CYP19A1: variants seen among roughly 807,000 people sequenced by gnomAD.
The protein encoded by CYP19A1 is cytochrome P450 family 19 subfamily A member 1, also known as aromatase.
In CYP19A1, 32 loss-of-function variants were observed where a neutral mutation model predicts 44.4. The observed-to-expected ratio is 0.72, with a 90% CI of 0.54 to 0.97. The LOEUF (loss-of-function observed/expected upper bound fraction) is 0.97, where lower values mean the gene tolerates loss of function less well. Among genes scored for constraint, CYP19A1 ranks in the 50% least tolerant of loss-of-function variants. The pLI is 0.00. For synonymous variants in CYP19A1, 212 were observed against 215.6 expected, an observed-to-expected ratio of 0.98 and a Z score of 0.14; for missense variants, 598 against 637.8, an observed-to-expected ratio of 0.94 and a Z score of 0.67.
chr15:51,271,461 A>G (rs896210628), intron 1 of CYP19A1, among the ~76,000 whole-genome samples: 1 of 152,148 alleles, frequency 6.6e-6, no homozygotes, highest in Non-Finnish European at 1.5e-5. Context: ...CTGAGACCCA[A>G]CGTGTCTTGA....
chr15:51,321,455 C>T (rs1004983), intron 1 of CYP19A1, among the ~76,000 whole-genome samples: 8 of 151,938 alleles, frequency 5.3e-5, no homozygotes, highest in East Asian at 1.9e-4. Context: ...CCCCATCTTT[C>T]GATTCGAAAT....
chr15:51,304,457 T>C (rs2036174230), intron 1 of CYP19A1, among the ~76,000 whole-genome samples: 1 of 152,212 alleles, frequency 6.6e-6, no homozygotes, highest in African/African-American at 2.4e-5. Context: ...CAGCAATGCT[T>C]TCCAGAGATA....
At chr15:51,249,548 G>A (rs1283003166) in intron 1 of CYP19A1, among the ~76,000 whole-genome samples, 1 of 152,124 alleles carries the variant, frequency 6.6e-6, no homozygotes, top group Non-Finnish European at 1.5e-5. Context: ...ACATTTATTA[G>A]GAAGCTTGTC....
intron 1 of CYP19A1, among the ~76,000 whole-genome samples, chr15:51,276,934 C>CA (rs531762298): frequency 4.8e-4 from 73 of 151,710 alleles, no homozygotes; most frequent in Non-Finnish European, 7.1e-4. Context: ...TGTATTCAGA[C>CA]AAAGCATCCC....
intron 1 of CYP19A1, among the ~76,000 whole-genome samples, chr15:51,269,087 CT>C (rs1357513864): frequency 6.6e-6 from 1 of 151,848 alleles, no homozygotes; most frequent in Non-Finnish European, 1.5e-5. Context: ...TTTTTGTGTT[CT>C]GAGAGACCTT....
At chr15:51,248,475 G>A (rs2034163435) in intron 1 of CYP19A1, among the ~76,000 whole-genome samples, 1 of 152,178 alleles carries the variant, frequency 6.6e-6, no homozygotes, top group Non-Finnish European at 1.5e-5. Flanking sequence ...TCTAATGAAA[G>A]GATGTTGTCA....
chr15:51,287,826 G>A (rs2035743098), intron 1 of CYP19A1, among the ~76,000 whole-genome samples: 1 of 152,194 alleles, frequency 6.6e-6, no homozygotes, highest in Non-Finnish European at 1.5e-5. Flanking sequence ...AATTTTATTG[G>A]CAACTAAAGT....
At chr15:51,305,542 T>C (rs2036199054) in intron 1 of CYP19A1, among the ~76,000 whole-genome samples, 1 of 152,002 alleles carries the variant, frequency 6.6e-6, no homozygotes, top group South Asian at 2.1e-4. Flanking sequence ...TACCATGAGA[T>C]AATAAATTTG....
In CYP19A1 at chr15:51,209,907, A is replaced by G. The variant is rs1009994682; in HGVS notation, c.*901T>C. The stretch of plus-strand genomic sequence containing the variant: ...CTGAAGCTGTAGTAAGAGCAAATCA[A>G]TGTCACATTTACAGTTATCTCTTGG... On this transcript the variant is annotated 3_prime_UTR_variant, in exon 10 of 10. Coordinates refer to ENST00000396402, the MANE Select transcript of CYP19A1 (RefSeq NM_000103.4). 1.8e-5 allele frequency: 3 copies of G among 168,424 alleles called. No individual in the cohort carries two copies. Among genetic ancestry groups the G allele is most frequent in the African/African-American group, 4.8e-5 (2 of 41,514 alleles). 10.4% of individuals were successfully genotyped at this position (168,424 alleles called of 1,614,324 possible).
chr15:51,265,926 C>A (rs553456829), intron 1 of CYP19A1, among the ~76,000 whole-genome samples: 17 of 152,328 alleles, frequency 1.1e-4, no homozygotes, highest in Admixed American at 8.5e-4. Flanking sequence ...CTGAGCCAGT[C>A]AGGCTACAGG....
chr15:51,294,632 G>C (rs1364916159), intron 1 of CYP19A1, among the ~76,000 whole-genome samples: 5 of 135,336 alleles, frequency 3.7e-5, no homozygotes, highest in South Asian at 2.3e-4. Flanking sequence ...GAGGGAGGTG[G>C]GGGGGTCAGC....
Position 51,227,799 on chromosome 15 carries a change from G to T in CYP19A1, c.431C>A (p.Thr144Asn). Reference sequence around the variant, plus strand: ...CTTACCTTTCATAAAGAAGGGTCGAGTTGTTTTCCAGAGCTCTGGATTGTT... The same window carrying T: ...CTTACCTTTCATAAAGAAGGGTCGATTTGTTTTCCAGAGCTCTGGATTGTT... Reference protein sequence around the residue: ...FNNNPELWKTTRPFFMKALSG... With the variant: ...FNNNPELWKTNRPFFMKALSG... Residue 144 changes from threonine (T) to asparagine (N), a missense_variant, in exon 4 of 10, where the codon ACT (threonine) becomes AAT (asparagine). Coordinates refer to ENST00000396402, the MANE Select transcript of CYP19A1 (RefSeq NM_000103.4). 1 of 1,540,662 alleles carries T rather than the reference G, an allele frequency of 6.5e-7. No homozygotes were observed. The highest frequency in any genetic ancestry group is 9.0e-7 in the Non-Finnish European group (1 of 1,113,168).
chr15:51,304,523 T>A (rs777730942), intron 1 of CYP19A1, among the ~76,000 whole-genome samples: 1 of 152,236 alleles, frequency 6.6e-6, no homozygotes, highest in Non-Finnish European at 1.5e-5. Flanking sequence ...AAGTTAACCA[T>A]GGTTTTCAGT....
intron 3 of CYP19A1, among the ~76,000 whole-genome samples, chr15:51,228,731 T>C (rs2032794242): frequency 6.6e-6 from 1 of 152,222 alleles, no homozygotes; most frequent in Non-Finnish European, 1.5e-5. Flanking sequence ...GCATTAGATG[T>C]CATTGGTATT....
chr15:51,238,979 T>C (rs796633741), intron 2 of CYP19A1, among the ~76,000 whole-genome samples: 5 of 152,182 alleles, frequency 3.3e-5, no homozygotes, highest in Non-Finnish European at 5.9e-5. Flanking sequence ...AATAAAAGAA[T>C]GTTAACACAG....
At chr15:51,268,150 T>G (rs1299791298) in intron 1 of CYP19A1, among the ~76,000 whole-genome samples, 1 of 152,156 alleles carries the variant, frequency 6.6e-6, no homozygotes, top group African/African-American at 2.4e-5. Flanking sequence ...CCTCAAATAT[T>G]TAAAGTGTAC....
At chr15:51,234,955 T>TCACC (rs1255397896) in intron 3 of CYP19A1, among the ~76,000 whole-genome samples, 5 of 152,102 alleles carry the variant, frequency 3.3e-5, no homozygotes, top group African/African-American at 1.2e-4. Context: ...GGGGGTCACT[T>TCACC]CACCTGTCTG....
chr15:51,238,045 T>C (rs1481672419), intron 2 of CYP19A1, among the ~76,000 whole-genome samples: 1 of 152,250 alleles, frequency 6.6e-6, no homozygotes, highest in Non-Finnish European at 1.5e-5. Flanking sequence ...TTGAATCATC[T>C]GAATTGGATG....
At chr15:51,212,610 T>C (rs771848776) in intron 8 of CYP19A1, 49 bp from the exon 9 acceptor site, 9 of 1,244,520 alleles carry the variant, frequency 7.2e-6, no homozygotes, top group Non-Finnish European at 9.5e-6. Context: ...AGTTTCCATC[T>C]GTGATTGGTA....
Sources: allele counts gnomAD v4.1 joint callset (sites outside exome capture counted in the v4.1 genomes callset), GRCh38; gene constraint gnomAD v4.1.1; transcripts MANE v1.5; gene names NCBI Gene and HGNC (gene_info 2026-07-23, HGNC 2026-07-21).